Variants in ZBTB7A observed in about 807,000 individuals in gnomAD.
ZBTB7A encodes zinc finger and BTB domain-containing protein 7A.
A neutral mutation model predicts 26.7 loss-of-function variants in ZBTB7A; 7 were observed. The ratio of observed to expected loss-of-function variants is 0.26; its 90% CI spans 0.15 to 0.49. The LOEUF (loss-of-function observed/expected upper bound fraction) is 0.49, where lower values mean the gene tolerates loss of function less well. ZBTB7A is among the 20% of genes least tolerant of loss of function. The pLI is 0.98. For synonymous variants in ZBTB7A, 452 were observed against 441.0 expected (o/e 1.02, Z -0.31); for missense variants, 617 against 919.5 (o/e 0.67, Z 4.25).
At position 4,054,366 on chromosome 19, in the gene ZBTB7A, C is replaced by T. The variant is rs1411188000; in HGVS notation, c.867G>A (p.Glu289=). The T allele has an allele frequency of 1.4e-6, 2 of 1,457,342 alleles. No individual in the cohort carries two copies. Among genetic ancestry groups the T allele is most frequent in the Non-Finnish European group, 1.8e-6 (2 of 1,115,484 alleles). 90.3% of individuals were successfully genotyped at this position (1,457,342 alleles called of 1,614,324 possible). ...EAASLSEAAP[E]PGDSPGFLSG... ...ACAGGAAGCCCGGAGAGTCGCCCGG[C>T]TCGGGGGCCGCCTCCGACAGCGAGG... Residue 289 remains glutamate, a synonymous_variant, in exon 2 of 3, where the codon GAG becomes GAA. Transcript: ENST00000322357.
chr19:4,057,026 GA>G (rs773127216), intron 1 of ZBTB7A, among the ~76,000 whole-genome samples: 805 of 78,690 alleles, frequency 0.01, 6 homozygotes, highest in African/African-American at 0.032. Flanking sequence ...GACTCGGTCT[GA>G]AAAAAAAAAA....
At chr19:4,055,416 G>C in intron 1 of ZBTB7A, 169 bp from the exon 2 acceptor site, 1 of 985,420 alleles carries the variant, frequency 1.0e-6, no homozygotes, top group Non-Finnish European at 1.2e-6. Context: ...TCCAGCCCCA[G>C]CTTCCCCAGC....
chr19:4,063,199 C>G (rs1195507613), intron 1 of ZBTB7A, among the ~76,000 whole-genome samples: 1 of 152,176 alleles, frequency 6.6e-6, no homozygotes, highest in Admixed American at 6.5e-5. Context: ...GAAAAGACAC[C>G]ACGGGTGGCT....
chr19:4,055,533 C>A lies in ZBTB7A; in HGVS notation c.-15-286G>T, dbSNP rs574840989. 40 of 973,068 alleles carry A rather than the reference C, an allele frequency of 4.1e-5. 1 individual carries two copies. In the East Asian group the frequency reaches 4.1e-3, roughly 100 times the overall value. The allele number at this position is 973,068 out of a possible 1,614,324, so 60.3% of individuals were successfully genotyped here. A position where few individuals can be genotyped will look rare whatever the true frequency, so the allele number is the denominator to read the frequency against. Reference sequence around the variant, plus strand: ...TGTTGGCCAGGCTGGTCTCAAACCCCTGGCCTCGGCCTGGCGCGGTGGCTC... The same window carrying A: ...TGTTGGCCAGGCTGGTCTCAAACCCATGGCCTCGGCCTGGCGCGGTGGCTC... On this transcript the variant is annotated intron_variant, in intron 1 of 2. Transcript: ENST00000322357.
chr19:4,057,814 A>G (rs938318158), intron 1 of ZBTB7A, among the ~76,000 whole-genome samples: 6 of 150,922 alleles, frequency 4.0e-5, no homozygotes, highest in Admixed American at 1.3e-4. Context: ...ACAACAACAC[A>G]TAACACCTAC....
rs186858239 is a variant in ZBTB7A at position 4,052,242 on chromosome 19, G to A, written c.1262+1729C>T. 4.0e-4 allele frequency among the ~76,000 whole-genome samples: 61 copies of A among 152,242 alleles called. No homozygotes were observed. The highest frequency in any genetic ancestry group is 7.6e-4 in the Non-Finnish European group (52 of 67,990). On this transcript the variant is annotated intron_variant, in intron 2 of 2. Coordinates refer to ENST00000322357, the MANE Select transcript of ZBTB7A (RefSeq NM_015898.4). This position sits in a 1 kb window ranked among gnomAD's most constrained non-coding sequence, Gnocchi z 4.9. ...AGGCAGGGTGGGGGTCACCACCTTCGCTCAGCCTGGTCCCCTCTGCAGACC... is the reference window on the plus strand; with the variant it reads ...AGGCAGGGTGGGGGTCACCACCTTCACTCAGCCTGGTCCCCTCTGCAGACC...
rs551597239 is a variant in ZBTB7A, at chr19:4,048,976, CAAAA to C, written c.1263-736_1263-733del. Reference sequence around the variant, plus strand: ...CTCGGTGACAGAATGAGACTGTCTCCAAAAAAAAAAAAAAAGAGAGGCAGGGTCT... The same window carrying C: ...CTCGGTGACAGAATGAGACTGTCTCCAAAAAAAAAAAGAGAGGCAGGGTCT... On this transcript the variant is annotated intron_variant, in intron 2 of 2. Transcript: ENST00000322357. This position sits in a 1 kb window ranked among gnomAD's most constrained non-coding sequence, Gnocchi z 6.7. Among the ~76,000 whole-genome samples, 2 of 100,380 alleles carry C rather than the reference CAAAA, an allele frequency of 2.0e-5. No individual in the cohort carries two copies. The highest frequency in any genetic ancestry group is 4.2e-5 in the Non-Finnish European group (2 of 47,426). 65.9% of individuals were successfully genotyped at this position (100,380 alleles called of 152,430 possible).
At chr19:4,059,398 G>A (rs2040616846) in intron 1 of ZBTB7A, among the ~76,000 whole-genome samples, 1 of 152,144 alleles carries the variant, frequency 6.6e-6, no homozygotes, top group Non-Finnish European at 1.5e-5. Context: ...CCCAGTCTCT[G>A]CCCTCTCCAG....
chr19:4,043,459 T>TG lies in ZBTB7A; in HGVS notation c.*4292_*4293insC, dbSNP rs1266798141. 6.6e-6 allele frequency among the ~76,000 whole-genome samples: 1 copy of TG among 151,444 alleles called. No homozygotes were observed. The highest frequency in any genetic ancestry group is 2.4e-5 in the African/African-American group (1 of 41,184). On this transcript the variant is annotated 3_prime_UTR_variant, in exon 3 of 3. Coordinates refer to ENST00000322357, the MANE Select transcript of ZBTB7A (RefSeq NM_015898.4). ...CAAAAAGTGCATTTTTATCAGTTTT[T>TG]TTTTTTTTTAAATCTCCCACACTTT...
chr19:4,060,324 G>A (rs763747141), intron 1 of ZBTB7A, among the ~76,000 whole-genome samples: 2 of 152,228 alleles, frequency 1.3e-5, no homozygotes, highest in Non-Finnish European at 2.9e-5. Context: ...CCAGAAGCAG[G>A]GGGCTGTGCA....
At chr19:4,060,190 C>T (rs560810595) in intron 1 of ZBTB7A, among the ~76,000 whole-genome samples, 5 of 152,262 alleles carry the variant, frequency 3.3e-5, no homozygotes, top group African/African-American at 9.6e-5. Context: ...CTCCTCCCCC[C>T]GGGCCACTCC....
chr19:4,055,877 C>A (rs1599257639), intron 1 of ZBTB7A, among the ~76,000 whole-genome samples: 1 of 152,126 alleles, frequency 6.6e-6, no homozygotes, highest in Non-Finnish European at 1.5e-5. Flanking sequence ...ACCGCCCCTG[C>A]CTCCCAAGGT....
chr19:4,057,552 G>A (rs2040593421), intron 1 of ZBTB7A, among the ~76,000 whole-genome samples: 2 of 152,046 alleles, frequency 1.3e-5, no homozygotes, highest in Admixed American at 1.3e-4. Flanking sequence ...CACTTTGAGA[G>A]GCCAAGGTGG....
intron 1 of ZBTB7A, among the ~76,000 whole-genome samples, chr19:4,064,571 C>T (rs539959986): frequency 3.9e-5 from 6 of 152,264 alleles, no homozygotes; most frequent in African/African-American, 1.4e-4. Context: ...AGGAAGTGAT[C>T]GGCCGGTGGT....
At chr19:4,058,058 G>C (rs1305705953) in intron 1 of ZBTB7A, among the ~76,000 whole-genome samples, 1 of 152,182 alleles carries the variant, frequency 6.6e-6, no homozygotes, top group Non-Finnish European at 1.5e-5. Context: ...CAGGCACGGG[G>C]ACCCAGTGCC....
intron 2 of ZBTB7A, among the ~76,000 whole-genome samples, chr19:4,049,168 G>GTGTATATATATATA (rs1403864466): frequency 4.7e-4 from 7 of 14,960 alleles, no homozygotes; most frequent in Non-Finnish European, 6.9e-4. Context: ...GTGTGTGTGT[G>GTGTATATATATATA]TATATATATA....
In ZBTB7A at chr19:4,052,353, C is replaced by A. The variant is rs1484475758; in HGVS notation, c.1262+1618G>T. Reference sequence around the variant, plus strand: ...CCCTGCCTGGAGGAAGAGGAGCCCCCCAAGACCTCCAGTACCCCAACCTCA... The same window carrying A: ...CCCTGCCTGGAGGAAGAGGAGCCCCACAAGACCTCCAGTACCCCAACCTCA... On this transcript the variant is annotated intron_variant, in intron 2 of 2. Coordinates refer to ENST00000322357, the MANE Select transcript of ZBTB7A (RefSeq NM_015898.4). This position sits in a 1 kb window ranked among gnomAD's most constrained non-coding sequence, Gnocchi z 4.9. Among the ~76,000 whole-genome samples, 1 of 152,128 alleles carries A rather than the reference C, an allele frequency of 6.6e-6. No homozygotes were observed. The highest frequency in any genetic ancestry group is 1.5e-5 in the Non-Finnish European group (1 of 67,988).
chr19:4,046,273 C>T lies in ZBTB7A; in HGVS notation c.*1479G>A, dbSNP rs537060892. ...CTCGGGGCGTCTCCCAGGTCCCCTG[C>T]GATGGCTTCCTCCTGAACCCCCCTT... On this transcript the variant is annotated 3_prime_UTR_variant, in exon 3 of 3. Coordinates refer to ENST00000322357, the MANE Select transcript of ZBTB7A (RefSeq NM_015898.4). 291 of 389,294 alleles carry T rather than the reference C, an allele frequency of 7.5e-4. No individual in the cohort carries two copies. Among genetic ancestry groups the T allele is most frequent in the South Asian group, 7.1e-3 (49 of 6,928 alleles). The allele number at this position is 389,294 out of a possible 1,614,324, so 24.1% of individuals were successfully genotyped here.
intron 1 of ZBTB7A, among the ~76,000 whole-genome samples, chr19:4,056,898 G>A (rs899879780): frequency 4.6e-5 from 7 of 151,668 alleles, no homozygotes; most frequent in Non-Finnish European, 8.8e-5. Context: ...GTGGTGGCGC[G>A]TGCCTGTAAT....
Sources: allele counts gnomAD v4.1 joint callset (sites outside exome capture counted in the v4.1 genomes callset), GRCh38; gene constraint gnomAD v4.1.1; non-coding constraint Gnocchi (gnomAD v3.1); transcripts MANE v1.5; gene names NCBI Gene and HGNC (gene_info 2026-07-23, HGNC 2026-07-21).